The following KCNJ3 variants were observed in gnomAD, a reference collection of about 807,000 sequenced individuals.
KCNJ3 encodes the protein potassium inwardly rectifying channel subfamily J member 3.
KCNJ3 carries 4 observed loss-of-function variants against 39.2 expected under a neutral mutation model. That is an observed-to-expected ratio of 0.10 (90% CI 0.05 to 0.23). The LOEUF is 0.23. Among genes scored for constraint, KCNJ3 ranks in the 10% least tolerant of loss-of-function variants. The pLI is 1.00. For missense variants in KCNJ3, 276 were observed against 634.9 expected (o/e 0.43, Z 6.08); for synonymous variants, 230 against 237.4 (o/e 0.97, Z 0.29).
chr2:154,824,191 C>T (rs570068446), intron 2 of KCNJ3, among the ~76,000 whole-genome samples: 3 of 152,012 alleles, frequency 2.0e-5, no homozygotes, highest in East Asian at 1.9e-4. Context: ...AAAAATCAGC[C>T]GGGCATAGTG....
At chr2:154,733,034 G>T (rs912636589) in intron 2 of KCNJ3, among the ~76,000 whole-genome samples, 1 of 152,038 alleles carries the variant, frequency 6.6e-6, no homozygotes, top group Admixed American at 6.6e-5. Flanking sequence ...TAACCTATTT[G>T]TATGTATACA....
chr2:154,805,277 T>C (rs1686890320), intron 2 of KCNJ3, among the ~76,000 whole-genome samples: 1 of 152,158 alleles, frequency 6.6e-6, no homozygotes, highest in Admixed American at 6.6e-5. Flanking sequence ...TGATGAAGTA[T>C]TGCCATCAGC....
At chr2:154,802,906 A>G (rs1446597584) in intron 2 of KCNJ3, among the ~76,000 whole-genome samples, 1 of 152,068 alleles carries the variant, frequency 6.6e-6, no homozygotes, top group Admixed American at 6.6e-5. Context: ...GATTGAGTAA[A>G]ATAGTTTACA....
Position 154,699,604 on chromosome 2 carries a change from T to TG in KCNJ3, c.702+133dup. On this transcript the variant is annotated intron_variant, in intron 1 of 2. Transcript: ENST00000295101. This position sits in a 1 kb window ranked among gnomAD's most constrained non-coding sequence, Gnocchi z 6.4. Reference sequence around the variant, plus strand: ...CTATAGCCACAGGTAAACTTCCTTTTGGGGGGTTGGGGGTTGGAGGACTGG... The same window carrying TG: ...CTATAGCCACAGGTAAACTTCCTTTTGGGGGGGTTGGGGGTTGGAGGACTGG... 1 of 1,389,156 alleles carries TG rather than the reference T, an allele frequency of 7.2e-7. No individual in the cohort carries two copies. 86.1% of individuals were successfully genotyped at this position (1,389,156 alleles called of 1,614,324 possible). A position where few individuals can be genotyped will look rare whatever the true frequency, so the allele number is the denominator to read the frequency against.
chr2:154,842,879 G>C (rs1687599616), intron 2 of KCNJ3, among the ~76,000 whole-genome samples: 1 of 152,052 alleles, frequency 6.6e-6, no homozygotes, highest in South Asian at 2.1e-4. Flanking sequence ...GATGCGTCTT[G>C]ACTCTTTATC....
intron 2 of KCNJ3, among the ~76,000 whole-genome samples, chr2:154,723,318 T>C (rs1490619014): frequency 6.6e-6 from 1 of 150,800 alleles, no homozygotes; most frequent in Non-Finnish European, 1.5e-5. Context: ...GCAGGAAATA[T>C]ATAATGGAAG....
At chr2:154,836,807 G>C (rs1438218024) in intron 2 of KCNJ3, among the ~76,000 whole-genome samples, 1 of 152,154 alleles carries the variant, frequency 6.6e-6, no homozygotes, top group Non-Finnish European at 1.5e-5. Context: ...CTGCTGAATT[G>C]CAAATATTTA....
intron 2 of KCNJ3, among the ~76,000 whole-genome samples, chr2:154,745,976 G>A (rs1389999538): frequency 6.6e-6 from 1 of 151,806 alleles, no homozygotes; most frequent in Non-Finnish European, 1.5e-5. Context: ...TCTGGGAGGT[G>A]TAGAAATGCC....
chr2:154,712,982 G>A (rs1186823094), intron 2 of KCNJ3, among the ~76,000 whole-genome samples: 1 of 151,902 alleles, frequency 6.6e-6, no homozygotes, highest in Non-Finnish European at 1.5e-5. Flanking sequence ...CCCTGAGCTG[G>A]GAATGAGCTT....
intron 2 of KCNJ3, among the ~76,000 whole-genome samples, chr2:154,831,671 T>A (rs1687366030): frequency 6.6e-6 from 1 of 152,142 alleles, no homozygotes; most frequent in African/African-American, 2.4e-5. Context: ...TAAATATTTA[T>A]TAAGAACAGA....
At chr2:154,712,108 T>C (rs1224317694) in intron 2 of KCNJ3, among the ~76,000 whole-genome samples, 1 of 152,204 alleles carries the variant, frequency 6.6e-6, no homozygotes, top group East Asian at 1.9e-4. Context: ...GTGGAAAATT[T>C]ATCTGACATT....
chr2:154,751,454 A>ATTAG (rs1558864223), intron 2 of KCNJ3, among the ~76,000 whole-genome samples: 2 of 151,686 alleles, frequency 1.3e-5, no homozygotes, highest in Admixed American at 1.3e-4. Flanking sequence ...TTTATTATTA[A>ATTAG]TATCTAGTTT....
At chr2:154,767,195 T>A (rs55906158) in intron 2 of KCNJ3, among the ~76,000 whole-genome samples, 21,966 of 151,896 alleles carry the variant, frequency 0.14, 2,035 homozygotes, top group African/African-American at 0.26. Context: ...CCTTTTTTTT[T>A]AAAATTATAC....
At chr2:154,756,233 A>T (rs1414306110) in intron 2 of KCNJ3, among the ~76,000 whole-genome samples, 2 of 152,158 alleles carry the variant, frequency 1.3e-5, no homozygotes, top group African/African-American at 2.4e-5. Context: ...GATAAATAAT[A>T]ATGATAATGG....
At chr2:154,814,924 A>G (rs370515073) in intron 2 of KCNJ3, among the ~76,000 whole-genome samples, 2 of 152,184 alleles carry the variant, frequency 1.3e-5, no homozygotes, top group Non-Finnish European at 2.9e-5. Flanking sequence ...TAAGACAGGA[A>G]ATTTAACAGT....
chr2:154,790,933 G>A (rs149369455), intron 2 of KCNJ3, among the ~76,000 whole-genome samples: 2 of 152,182 alleles, frequency 1.3e-5, no homozygotes, highest in African/African-American at 4.8e-5. Context: ...AAAATAATAA[G>A]AGATTACCAA....
intron 2 of KCNJ3, among the ~76,000 whole-genome samples, chr2:154,828,971 G>A (rs981750538): frequency 2.0e-5 from 3 of 152,076 alleles, no homozygotes; most frequent in Non-Finnish European, 4.4e-5. Flanking sequence ...TACATCTGAA[G>A]TTAAAAACTT....
At chr2:154,831,052 G>C (rs963404149) in intron 2 of KCNJ3, among the ~76,000 whole-genome samples, 1 of 152,068 alleles carries the variant, frequency 6.6e-6, no homozygotes, top group Non-Finnish European at 1.5e-5. Context: ...GCAGTCACTT[G>C]TTTGGCCATT....
chr2:154,713,242 T>C (rs1284912210), intron 2 of KCNJ3, among the ~76,000 whole-genome samples: 1 of 152,178 alleles, frequency 6.6e-6, no homozygotes, highest in Non-Finnish European at 1.5e-5. Flanking sequence ...GGGTTGCATG[T>C]AGTTAATTTA....
Sources: allele counts gnomAD v4.1 joint callset (sites outside exome capture counted in the v4.1 genomes callset), GRCh38; gene constraint gnomAD v4.1.1; non-coding constraint Gnocchi (gnomAD v3.1); transcripts MANE v1.5; gene names NCBI Gene and HGNC (gene_info 2026-07-23, HGNC 2026-07-21).